The following SIRPG variants were observed in gnomAD, a reference collection of about 807,000 sequenced individuals.
SIRPG encodes signal-regulatory protein gamma.
SIRPG carries 38 observed loss-of-function variants against 35.7 expected under a neutral mutation model. That is an observed-to-expected ratio of 1.06 (90% confidence interval 0.82 to 1.40). SIRPG has a LOEUF of 1.40. Ranked by LOEUF, SIRPG falls within the 40% of genes most tolerant of loss-of-function variation. The pLI is 0.00. For synonymous variants in SIRPG, 215 were observed against 190.4 expected (o/e 1.13, Z -1.06); for missense variants, 519 against 483.0 (o/e 1.07, Z -0.70).
the SIRPG span, chr20:1,671,134 C>T: frequency 4.7e-6 from 2 of 425,590 alleles, no homozygotes; most frequent in South Asian, 3.7e-5. Flanking sequence ...ACAGGTGAAG[C>T]TCACTGTATG....
chr20:1,678,242 AC>A, the SIRPG span, among the ~76,000 whole-genome samples: 1 of 140,660 alleles, frequency 7.1e-6, no homozygotes, highest in Non-Finnish European at 1.6e-5. Flanking sequence ...CTCATGTGAT[AC>A]ACTGTGGGCC....
intron 2 of SIRPG, among the ~76,000 whole-genome samples, chr20:1,642,845 T>C (rs1406029279): frequency 6.6e-6 from 1 of 152,206 alleles, no homozygotes; most frequent in Non-Finnish European, 1.5e-5. Flanking sequence ...TTTGGCTAGA[T>C]ATGAAATTCT....
chr20:1,685,832 T>G, the SIRPG span, among the ~76,000 whole-genome samples: 2 of 152,106 alleles, frequency 1.3e-5, no homozygotes, highest in Non-Finnish European at 2.9e-5. Context: ...GTTTCAGACT[T>G]CACATCCTCA....
At chr20:1,671,042 C>T in the SIRPG span, 7 of 423,770 alleles carry the variant, frequency 1.7e-5, no homozygotes, top group Admixed American at 2.6e-5. Flanking sequence ...GCAGGGTCCA[C>T]GTTGATCTGG....
intron 2 of SIRPG, among the ~76,000 whole-genome samples, chr20:1,639,885 C>T (rs761984757): frequency 3.2e-4 from 48 of 152,158 alleles, no homozygotes; most frequent in Admixed American, 7.9e-4. Context: ...GGAATCCTTT[C>T]CCCATTGCTT....
At chr20:1,674,092 C>G in the SIRPG span, among the ~76,000 whole-genome samples, 1 of 152,200 alleles carries the variant, frequency 6.6e-6, no homozygotes, top group South Asian at 2.1e-4. Context: ...AATGGAGGAC[C>G]ACTTTTGCTA....
chr20:1,661,908 C>T (rs2091996981), upstream of SIRPG, among the ~76,000 whole-genome samples: 2 of 152,184 alleles, frequency 1.3e-5, no homozygotes, highest in Non-Finnish European at 2.9e-5. Context: ...TCCTCATTGA[C>T]AGCCCAGACC....
At chr20:1,673,025 G>A in the SIRPG span, among the ~76,000 whole-genome samples, 2 of 152,126 alleles carry the variant, frequency 1.3e-5, no homozygotes, top group Non-Finnish European at 2.9e-5. Flanking sequence ...TCCATAGAGA[G>A]GTCCTAAAGG....
intron 4 of SIRPG, among the ~76,000 whole-genome samples, chr20:1,634,644 G>A (rs1347610872): frequency 6.6e-6 from 1 of 152,218 alleles, no homozygotes; most frequent in African/African-American, 2.4e-5. Context: ...GGGAGCACAA[G>A]GGTGGGCTGA....
intron 2 of SIRPG, chr20:1,637,539 G>C (rs2091813671): frequency 6.5e-6 from 1 of 155,018 alleles, no homozygotes; most frequent in African/African-American, 2.4e-5. Context: ...CATGACTCAG[G>C]GTTCCCAAAT....
chr20:1,677,151 G>A, the SIRPG span, among the ~76,000 whole-genome samples: 13 of 147,842 alleles, frequency 8.8e-5, no homozygotes, highest in Admixed American at 6.6e-4. Context: ...TAGAACATGA[G>A]ACTGTATTAG....
the SIRPG span, among the ~76,000 whole-genome samples, chr20:1,678,537 G>C: frequency 4.3e-3 from 653 of 152,050 alleles, 16 homozygotes; most frequent in Admixed American, 0.034. Context: ...GTGAGGTATA[G>C]ATACAACAAA....
intron 1 of SIRPG, among the ~76,000 whole-genome samples, chr20:1,656,757 T>C (rs1002416048): frequency 5.3e-5 from 8 of 152,194 alleles, no homozygotes; most frequent in African/African-American, 1.2e-4. Context: ...GAGATGGTGG[T>C]GCCTGTTATG....
upstream of SIRPG, among the ~76,000 whole-genome samples, chr20:1,660,806 T>C (rs1454009925): frequency 6.6e-6 from 1 of 152,124 alleles, no homozygotes; most frequent in African/African-American, 2.4e-5. Context: ...TTGGGACACA[T>C]GAGAAACTGG....
At chr20:1,663,268 G>A in the SIRPG span, among the ~76,000 whole-genome samples, 6 of 152,152 alleles carry the variant, frequency 3.9e-5, no homozygotes, top group Admixed American at 1.3e-4. Context: ...AGCCGAGATC[G>A]TGCCACTGCA....
the SIRPG span, among the ~76,000 whole-genome samples, chr20:1,678,117 G>C: frequency 9.2e-5 from 14 of 152,156 alleles, no homozygotes; most frequent in Non-Finnish European, 1.8e-4. Flanking sequence ...AATTCTGGAA[G>C]CTGGTAACAT....
intron 2 of SIRPG, among the ~76,000 whole-genome samples, chr20:1,643,612 G>T (rs2091873706): frequency 6.6e-6 from 1 of 152,152 alleles, no homozygotes; most frequent in Non-Finnish European, 1.5e-5. Flanking sequence ...TTGCACCCCT[G>T]CTGGAGACTC....
chr20:1,630,384 T>G, intron 4 of SIRPG, 78 bp from the exon 5 acceptor site: 1 of 1,131,320 alleles, frequency 8.8e-7, no homozygotes, highest in Non-Finnish European at 1.3e-6. Flanking sequence ...TTACCCCATC[T>G]GAGGCTGCCT....
chr20:1,650,282 AC>A (rs2091932762), intron 1 of SIRPG, among the ~76,000 whole-genome samples: 1 of 151,898 alleles, frequency 6.6e-6, no homozygotes, highest in South Asian at 2.1e-4. Flanking sequence ...GTGCACTCTG[AC>A]ACTAGACCCA....
Sources: gnomAD v4.1 joint callset for allele counts (sites outside exome capture counted in the v4.1 genomes callset) on GRCh38, gnomAD v4.1.1 for gene constraint, MANE v1.5 for transcripts, NCBI Gene and HGNC (gene_info 2026-07-23, HGNC 2026-07-21) for gene names.